The following ZCCHC14 variants were observed in gnomAD, a reference collection of about 807,000 sequenced individuals.
ZCCHC14 encodes the protein zinc finger CCHC-type containing 14, also known as zinc finger CCHC domain-containing protein 14.
A neutral mutation model predicts 85.0 loss-of-function variants in ZCCHC14; 16 were observed. The observed-to-expected ratio is 0.19, with a 90% CI of 0.13 to 0.29. The LOEUF is 0.29. ZCCHC14 is among the 10% of genes least tolerant of loss of function. ZCCHC14 has a pLI of 1.00. For missense variants in ZCCHC14, 1,303 were observed against 1,443.5 expected, an observed-to-expected ratio of 0.90 and a Z score of 1.58; for synonymous variants, 775 against 630.7, an observed-to-expected ratio of 1.23 and a Z score of -3.43.
intron 2 of ZCCHC14, among the ~76,000 whole-genome samples, chr16:87,452,533 C>G (rs2075132311): frequency 6.6e-6 from 1 of 151,894 alleles, no homozygotes; most frequent in Non-Finnish European, 1.5e-5. Flanking sequence ...GGACCACCAG[C>G]CTTTGAGGGA....
intron 1 of ZCCHC14, chr16:87,471,191 G>A (rs771894560): frequency 2.6e-5 from 4 of 152,036 alleles, no homozygotes; most frequent in Non-Finnish European, 4.4e-5. Flanking sequence ...AAGGAGTAAC[G>A]TCTGTTAAAT....
chr16:87,476,657 G>T (rs2150772369), intron 1 of ZCCHC14, among the ~76,000 whole-genome samples: 1 of 146,940 alleles, frequency 6.8e-6, no homozygotes, highest in African/African-American at 2.5e-5. Context: ...CTGCTTAAAT[G>T]AAGTTTTAGA....
intron 1 of ZCCHC14, among the ~76,000 whole-genome samples, chr16:87,463,976 C>G (rs114639239): frequency 1.3e-5 from 2 of 152,336 alleles, no homozygotes; most frequent in African/African-American, 4.8e-5. Context: ...CACACCAGCA[C>G]GCACAGCTGA....
At chr16:87,456,111 C>G (rs540838484) in intron 2 of ZCCHC14, among the ~76,000 whole-genome samples, 18 of 152,240 alleles carry the variant, frequency 1.2e-4, no homozygotes, top group Middle Eastern at 3.4e-3. Flanking sequence ...TTTCAAAGTC[C>G]TCATAATAAA....
At chr16:87,471,348 G>C (rs1369456924) in intron 1 of ZCCHC14, 1 of 152,202 alleles carries the variant, frequency 6.6e-6, no homozygotes, top group African/African-American at 2.4e-5. Flanking sequence ...CTTAGACCAA[G>C]TGAAAGCCAA....
chr16:87,481,337 C>G (rs1282081813), intron 1 of ZCCHC14, among the ~76,000 whole-genome samples: 1 of 152,076 alleles, frequency 6.6e-6, no homozygotes, highest in Non-Finnish European at 1.5e-5. Flanking sequence ...CATCAACTGA[C>G]TTGCATTCTA....
chr16:87,433,124 T>G lies in ZCCHC14; in HGVS notation c.768+4A>C. ...AGAGAGGGGAAAAAAACTTAGCATC[T>G]TACCTCAAAGGAACATTCAACATTT... On this transcript the variant is annotated splice_donor_region_variant and intron_variant, in intron 3 of 12. Coordinates refer to ENST00000671377, the MANE Select transcript of ZCCHC14 (RefSeq NM_015144.3). 1 of 1,614,072 alleles carries G rather than the reference T, an allele frequency of 6.2e-7. No individual in the cohort carries two copies. The highest frequency in any genetic ancestry group is 8.5e-7 in the Non-Finnish European group (1 of 1,179,940).
At chr16:87,413,373 A>T (rs1325977417) in intron 10 of ZCCHC14, among the ~76,000 whole-genome samples, 178 bp from the exon 11 acceptor site, 2 of 152,200 alleles carry the variant, frequency 1.3e-5, no homozygotes, top group African/African-American at 4.8e-5. Flanking sequence ...CAGAGATTCA[A>T]ATGGCAGCGA....
chr16:87,440,204 G>A (rs1373003155), intron 2 of ZCCHC14, among the ~76,000 whole-genome samples: 5 of 151,388 alleles, frequency 3.3e-5, no homozygotes, highest in South Asian at 2.1e-4. Context: ...TTGCTCTGTC[G>A]CCCAGTCTGG....
Position 87,412,499 on chromosome 16 carries a change from C to T in ZCCHC14, c.2222G>A (p.Arg741Lys). The T allele has an allele frequency of 7.4e-6, 12 of 1,614,056 alleles. No individual in the cohort carries two copies. The highest frequency in any genetic ancestry group is 1.0e-5 in the Non-Finnish European group (12 of 1,180,038). Residue 741 changes from arginine (R) to lysine (K), a missense_variant, in exon 12 of 13, where the codon AGG becomes AAG. Around this residue, in one of 7 missense-constraint regions of ZCCHC14, gnomAD observed 797 missense variants for 730.8 expected, o/e 1.09. Transcript: ENST00000671377. ...CGGTTGCTGTGCTGTCTTCAGCACCCTGTCCAGCGTGGATGCATGCACGAC... is the reference window on the plus strand; with the variant it reads ...CGGTTGCTGTGCTGTCTTCAGCACCTTGTCCAGCGTGGATGCATGCACGAC... The part of the protein sequence containing the change: ...TKVVHASTLD[R>K]VLKTAQQPAL...
At position 87,413,063 on chromosome 16, in the gene ZCCHC14, T is replaced by C. The variant is rs747882455; in HGVS notation, c.1736A>G (p.Asn579Ser). The C allele has an allele frequency of 1.1e-5, 17 of 1,614,058 alleles. No homozygotes were observed. Among genetic ancestry groups the C allele is most frequent in the South Asian group, 8.8e-5 (8 of 91,092 alleles). ...CGCGCACGTGCCCTTACGTCTGTCATTCTCCTCAGCGCTGTCGGAGCTCTC... is the reference window on the plus strand; with the variant it reads ...CGCGCACGTGCCCTTACGTCTGTCACTCTCCTCAGCGCTGTCGGAGCTCTC... The part of the protein sequence containing the change: ...REESSDSAEE[N>S]DRRVEIHLES... The change falls in exon 11 of 13, where the codon AAT becomes AGT. Residue 579 changes from asparagine (N) to serine (S), a missense_variant. Around this residue, in one of 7 missense-constraint regions of ZCCHC14, gnomAD observed 797 missense variants for 730.8 expected, o/e 1.09. Transcript: ENST00000671377.
intron 1 of ZCCHC14, among the ~76,000 whole-genome samples, chr16:87,482,548 G>T (rs1912328725): frequency 6.6e-6 from 1 of 152,150 alleles, no homozygotes; most frequent in South Asian, 2.1e-4. Flanking sequence ...ACCCTTCCTG[G>T]GGATTCCTCT....
chr16:87,446,852 T>C (rs1910464207), intron 2 of ZCCHC14, among the ~76,000 whole-genome samples: 1 of 151,898 alleles, frequency 6.6e-6, no homozygotes, highest in African/African-American at 2.4e-5. Flanking sequence ...CCTGGCTAGT[T>C]TTTTTGTATT....
Position 87,418,851 on chromosome 16 carries a change from C to G in ZCCHC14, c.1096G>C (p.Gly366Arg). ...SKVGTVMGVSGRPVCGVAGIP... is the reference protein window; with the variant it reads ...SKVGTVMGVSRRPVCGVAGIP... ...GTTACATAGAAGATTTCTCACCTTCCAGACACGCCCATCACGGTACCTACT... is the reference window on the plus strand; with the variant it reads ...GTTACATAGAAGATTTCTCACCTTCGAGACACGCCCATCACGGTACCTACT... The change falls in exon 7 of 13, where the codon GGA becomes CGA. Residue 366 changes from glycine (G) to arginine (R), a missense_variant. Gly to Arg is a moderately radical substitution (Grantham distance 125, BLOSUM62 -2). This residue lies in a region of ZCCHC14 where 389 missense variants were observed against 397.8 expected (regional missense o/e 0.98). Coordinates refer to ENST00000671377, the MANE Select transcript of ZCCHC14 (RefSeq NM_015144.3). 2 of 1,613,342 alleles carry G rather than the reference C, an allele frequency of 1.2e-6. No homozygotes were observed. The highest frequency in any genetic ancestry group is 1.7e-6 in the Non-Finnish European group (2 of 1,179,468).
intron 2 of ZCCHC14, among the ~76,000 whole-genome samples, chr16:87,442,230 C>T (rs910522897): frequency 1.3e-5 from 2 of 152,170 alleles, no homozygotes; most frequent in Non-Finnish European, 2.9e-5. Flanking sequence ...AGGACGAGGC[C>T]AAACAGCACC....
intron 1 of ZCCHC14, among the ~76,000 whole-genome samples, chr16:87,475,127 C>T (rs1911941651): frequency 6.6e-6 from 1 of 152,318 alleles, no homozygotes; most frequent in South Asian, 2.1e-4. Flanking sequence ...AGGCACAGGA[C>T]ACACCCATGC....
At chr16:87,417,146 C>G (rs1181715231) in intron 8 of ZCCHC14, among the ~76,000 whole-genome samples, 6 of 152,206 alleles carry the variant, frequency 3.9e-5, no homozygotes, top group Non-Finnish European at 8.8e-5. Flanking sequence ...AAAAGGGGCA[C>G]CGTGCCAGAG....
At chr16:87,472,308 C>T (rs972162353) in intron 1 of ZCCHC14, 9 of 152,192 alleles carry the variant, frequency 5.9e-5, no homozygotes, top group South Asian at 2.1e-4. Context: ...TATTGACTTC[C>T]GAGGGTTGGT....
In ZCCHC14 at chr16:87,492,929, A is replaced by G. The variant is rs559588522; in HGVS notation, c.-691T>C. ...GAGCGCGGCGGCGGCGGCGACGGCG[A>G]CGGCGACGGCGACGGCGACGGCGGA... On this transcript the variant is annotated 5_prime_UTR_variant, in exon 1 of 13. Coordinates refer to ENST00000671377, the MANE Select transcript of ZCCHC14 (RefSeq NM_015144.3). This position sits in a 1 kb window ranked among gnomAD's most constrained non-coding sequence, Gnocchi z 6.7. 1.8e-4 allele frequency among the ~76,000 whole-genome samples: 25 copies of G among 142,342 alleles called. No homozygotes were observed. Among genetic ancestry groups the G allele is most frequent in the Non-Finnish European group, 2.7e-4 (18 of 66,524 alleles). The allele number at this position is 142,342 out of a possible 152,430, so 93.4% of individuals were successfully genotyped here.
Sources: gnomAD v4.1 joint callset for allele counts (sites outside exome capture counted in the v4.1 genomes callset) on GRCh38, gnomAD v4.1.1 for gene constraint, gnomAD v4.1.1 regional missense constraint, Gnocchi (gnomAD v3.1) non-coding constraint, MANE v1.5 for transcripts, NCBI Gene and HGNC (gene_info 2026-07-23, HGNC 2026-07-21) for gene names.